TCTN1: variants seen among roughly 807,000 people sequenced by gnomAD.
TCTN1 encodes tectonic-1.
A neutral mutation model predicts 65.8 loss-of-function variants in TCTN1; 58 were observed. That is an observed-to-expected ratio of 0.88 (90% confidence interval 0.71 to 1.10). The LOEUF (loss-of-function observed/expected upper bound fraction) is 1.10, where lower values mean the gene tolerates loss of function less well. TCTN1 is among the 50% of genes least tolerant of loss of function. TCTN1 has a pLI of 0.00. For synonymous variants in TCTN1, 273 were observed against 289.1 expected, an observed-to-expected ratio of 0.94 and a Z score of 0.57; for missense variants, 645 against 719.4, an observed-to-expected ratio of 0.90 and a Z score of 1.18.
At position 110,647,871 on chromosome 12, in the gene TCTN1, C is replaced by T. The variant is rs771778649; in HGVS notation, c.1758C>T (p.Asn586=). 6.2e-7 allele frequency: 1 copy of T among 1,613,962 alleles called. No homozygotes were observed. Among genetic ancestry groups the T allele is most frequent in the South Asian group, 1.1e-5 (1 of 91,076 alleles). Residue 586 remains asparagine (N), a synonymous_variant, in exon 14 of 15, where the codon AAC becomes AAT. Transcript: ENST00000397659. ...CCATCAATGCCAGGCTGCCCTTTAACTTCTTCTTCCCGTTTGTTTGACGTA... is the reference window on the plus strand; with the variant it reads ...CCATCAATGCCAGGCTGCCCTTTAATTTCTTCTTCCCGTTTGTTTGACGTA... ...PPAINARLPF[N]FFFPFV
intron 1 of TCTN1, chr12:110,616,205 G>A: frequency 2.4e-6 from 1 of 423,134 alleles, no homozygotes; most frequent in Non-Finnish European, 4.7e-6. Flanking sequence ...ATGTGTTCAA[G>A]GCTGTTTTTC....
At chr12:110,628,380 ACCCAG>A in intron 3 of TCTN1, among the ~76,000 whole-genome samples, 1 of 148,912 alleles carries the variant, frequency 6.7e-6, no homozygotes, top group Non-Finnish European at 1.5e-5. Flanking sequence ...TCACTGTGTC[ACCCAG>A]GCTGGAGTGC....
chr12:110,623,149 T>C (rs1488346549), intron 2 of TCTN1, among the ~76,000 whole-genome samples: 1 of 152,166 alleles, frequency 6.6e-6, no homozygotes, highest in African/African-American at 2.4e-5. Flanking sequence ...AAGTTCTCAT[T>C]ATCTATAGGC....
intron 11 of TCTN1, chr12:110,643,509 A>C (rs1179209058): frequency 2.0e-5 from 3 of 152,064 alleles, no homozygotes; most frequent in African/African-American, 7.2e-5. Context: ...ACCTGCATAT[A>C]ATGCTACTTC....
At chr12:110,631,433 A>G (rs182277163) in intron 4 of TCTN1, among the ~76,000 whole-genome samples, 437 of 152,070 alleles carry the variant, frequency 2.9e-3, no homozygotes, top group Middle Eastern at 0.017. Context: ...CAGGAGTTCC[A>G]CACCAGCCTG....
At chr12:110,648,356 A>ATGT (rs1423801344) in intron 14 of TCTN1, among the ~76,000 whole-genome samples, 2 of 152,236 alleles carry the variant, frequency 1.3e-5, no homozygotes, top group African/African-American at 4.8e-5. Context: ...CCTTTTGGAA[A>ATGT]TGTTATTCTA....
At chr12:110,616,261 T>A (rs1230558095) in intron 1 of TCTN1, 27 of 452,248 alleles carry the variant, frequency 6.0e-5, no homozygotes, top group East Asian at 1.4e-4. Flanking sequence ...TTTATTTTTT[T>A]TTTTTTTGGT....
Position 110,647,231 on chromosome 12 carries a change from G to A in TCTN1, c.1530G>A (p.Gly510=). 2 of 1,614,100 alleles carry A rather than the reference G, an allele frequency of 1.2e-6. No individual in the cohort carries two copies. Among genetic ancestry groups the A allele is most frequent in the South Asian group, 1.1e-5 (1 of 91,084 alleles). The change falls in exon 13 of 15, where the codon GGG becomes GGA. Residue 510 remains glycine, a synonymous_variant. Coordinates refer to ENST00000397659, the MANE Select transcript of TCTN1 (RefSeq NM_001082538.3). ...FVLQDSCQLP[G]ALVIEVKWTK... is the part of the protein sequence containing the mutation. ...TGCAGGATTCCTGCCAGCTCCCAGG[G>A]GCTTTGGTTATAGAAGTGAAGTGGA...
chr12:110,647,247 G>A lies in TCTN1; in HGVS notation c.1546G>A (p.Val516Met), dbSNP rs1484189930. Residue 516 changes from valine (V) to methionine (M), a missense_variant, in exon 13 of 15, where the codon GTG becomes ATG. Val to Met is a conservative substitution (Grantham distance 21). Coordinates refer to ENST00000397659, the MANE Select transcript of TCTN1 (RefSeq NM_001082538.3). ...GCTCCCAGGGGCTTTGGTTATAGAA[G>A]TGAAGTGGACTAAATACGGATCCCT... ...CQLPGALVIEVKWTKYGSLLN... is the reference protein window; with the variant it reads ...CQLPGALVIEMKWTKYGSLLN... 6.2e-7 allele frequency: 1 copy of A among 1,614,210 alleles called. No homozygotes were observed. Among genetic ancestry groups the A allele is most frequent in the Admixed American group, 1.7e-5 (1 of 60,012 alleles).
At chr12:110,623,154 A>G (rs902792053) in intron 2 of TCTN1, among the ~76,000 whole-genome samples, 1 of 152,158 alleles carries the variant, frequency 6.6e-6, no homozygotes, top group Non-Finnish European at 1.5e-5. Flanking sequence ...CTCATTATCT[A>G]TAGGCTTCTT....
Position 110,645,066 on chromosome 12 carries a change from C to T in TCTN1, c.1431C>T (p.Ser477=), listed in dbSNP as rs2067207447. The change falls in exon 12 of 15, where the codon TCC becomes TCT. Residue 477 remains serine (S), a synonymous_variant. Transcript: ENST00000397659. ...ATTACGTGGCCCCTTTTGGAAATTC[C>T]CAGGCCCAGGACATGCTGGACTGGG... The part of the protein sequence containing the change: ...FPDYVAPFGN[S]QAQDMLDWVP... 1 of 1,614,008 alleles carries T rather than the reference C, an allele frequency of 6.2e-7. No homozygotes were observed. The highest frequency in any genetic ancestry group is 1.7e-5 in the Admixed American group (1 of 59,998).
chr12:110,625,415 G>A (rs771917305), intron 2 of TCTN1, among the ~76,000 whole-genome samples: 4 of 152,088 alleles, frequency 2.6e-5, no homozygotes, highest in Non-Finnish European at 5.9e-5. Context: ...ATGCTACTGT[G>A]ACTGGCCCAA....
At position 110,614,904 on chromosome 12, in the gene TCTN1, C is replaced by T. The variant is rs1266465752; in HGVS notation, c.220+502C>T. 2.0e-5 allele frequency among the ~76,000 whole-genome samples: 3 copies of T among 152,190 alleles called. No individual in the cohort carries two copies. The East Asian group carries it at 5.8e-4, about 29-fold the overall frequency. On this transcript the variant is annotated intron_variant, in intron 1 of 14. Coordinates refer to ENST00000397659, the MANE Select transcript of TCTN1 (RefSeq NM_001082538.3). ...AAGCTATTGAGGGAGGGGTTATGCT[C>T]ACTTCTTAGGAGTCATATGTAGGGA...
intron 10 of TCTN1, 50 bp downstream of exon 10, chr12:110,641,677 C>T (rs979375914): frequency 1.9e-6 from 3 of 1,552,128 alleles, no homozygotes; most frequent in Admixed American, 1.7e-5. Context: ...TCTCCATGTG[C>T]GTGGGCTGCA....
rs561052497 is a variant in TCTN1, at chr12:110,642,371, A to G, written c.1313A>G (p.Gln438Arg). ...CCAGTATTATTTGGTTACACTATGC[A>G]ATCTGGCTGTAAACTAAGGTAAAAG... ...RTPVLFGYTMQSGCKLRLTGA... is the reference protein window; with the variant it reads ...RTPVLFGYTMRSGCKLRLTGA... The change falls in exon 11 of 15, where the codon CAA becomes CGA. Residue 438 changes from glutamine (Q) to arginine (R), a missense_variant. Transcript: ENST00000397659. The G allele has an allele frequency of 1.8e-5, 29 of 1,614,188 alleles. No individual in the cohort carries two copies. In the South Asian group the frequency reaches 3.1e-4, roughly 17 times the overall value.
chr12:110,640,514 T>C lies in TCTN1; in HGVS notation c.975T>C (p.Leu325=), dbSNP rs2066885878. 1 of 1,614,140 alleles carries C rather than the reference T, an allele frequency of 6.2e-7. No homozygotes were observed. ...GHFSLCVNVV[L]EVKYSLTYTD... ...TTAGCCTTTGCGTGAATGTTGTTCTTGAGGTAGGTGCCGAGTTTGGCTTTG... is the reference window on the plus strand; with the variant it reads ...TTAGCCTTTGCGTGAATGTTGTTCTCGAGGTAGGTGCCGAGTTTGGCTTTG... The change falls in exon 8 of 15, where the codon CTT becomes CTC. Residue 325 remains leucine (L), a synonymous_variant. Coordinates refer to ENST00000397659, the MANE Select transcript of TCTN1 (RefSeq NM_001082538.3). The surrounding 1 kb of genome is among the most constrained non-coding windows in gnomAD (Gnocchi z 4.9).
At chr12:110,619,035 G>A (rs376431852) in intron 1 of TCTN1, among the ~76,000 whole-genome samples, 1 of 151,304 alleles carries the variant, frequency 6.6e-6, no homozygotes, top group Non-Finnish European at 1.5e-5. Flanking sequence ...AAAAAAAGTT[G>A]GGCGTGGTAG....
Position 110,640,890 on chromosome 12 carries a change from A to G in TCTN1, c.979-134A>G. The stretch of plus-strand genomic sequence containing the variant: ...CTGAGGGAACACCTCTCATAATCCA[A>G]CTGGACAGCAGAGCAAGGCTTCAAC... On this transcript the variant is annotated intron_variant, in intron 8 of 14. Coordinates refer to ENST00000397659, the MANE Select transcript of TCTN1 (RefSeq NM_001082538.3). This position sits in a 1 kb window ranked among gnomAD's most constrained non-coding sequence, Gnocchi z 4.9. 3.8e-6 allele frequency: 5 copies of G among 1,314,306 alleles called. No homozygotes were observed. The highest frequency in any genetic ancestry group is 5.4e-6 in the Non-Finnish European group (5 of 920,812). The allele number at this position is 1,314,306 out of a possible 1,614,324, so 81.4% of individuals were successfully genotyped here.
At position 110,614,346 on chromosome 12, in the gene TCTN1, G is replaced by C; in HGVS notation, c.164G>C (p.Gly55Ala). ...ACTTTCCCGTCGACCAGGCCCCCCG[G>C]GACTCCCAGGGCTCCAGGGCCCTCC... ...FGTFPSTRPP[G>A]TPRAPGPSSG... Residue 55 changes from glycine (G) to alanine (A), a missense_variant, in exon 1 of 15, where the codon GGG becomes GCG. Transcript: ENST00000397659. 1.2e-6 allele frequency: 2 copies of C among 1,606,860 alleles called. No homozygotes were observed. The highest frequency in any genetic ancestry group is 1.7e-6 in the Non-Finnish European group (2 of 1,177,452).
Sources: gnomAD v4.1 joint callset for allele counts (sites outside exome capture counted in the v4.1 genomes callset) on GRCh38, gnomAD v4.1.1 for gene constraint, Gnocchi (gnomAD v3.1) non-coding constraint, MANE v1.5 for transcripts, NCBI Gene and HGNC (gene_info 2026-07-23, HGNC 2026-07-21) for gene names.